FCRL2: variants seen among roughly 807,000 people sequenced by gnomAD.
The protein encoded by FCRL2 is Fc receptor like 2.
In FCRL2, 48 loss-of-function variants were observed where a neutral mutation model predicts 59.8. The ratio of observed to expected loss-of-function variants is 0.80; its 90% CI spans 0.64 to 1.02. The LOEUF is 1.02. Ranked by LOEUF, FCRL2 falls within the 50% of genes least tolerant of loss-of-function variation. The pLI, the probability that FCRL2 is intolerant of heterozygous loss-of-function variation, is 0.00. For synonymous variants in FCRL2, 251 were observed against 229.5 expected (o/e 1.09, Z -0.85); for missense variants, 658 against 597.3 (o/e 1.10, Z -1.06).
chr1:157,764,025 A>G (rs11264817), intron 7 of FCRL2, among the ~76,000 whole-genome samples: 78,560 of 138,614 alleles, frequency 0.57, 24,398 homozygotes, highest in African/African-American at 0.85. Flanking sequence ...GCGAGACTTC[A>G]TCTCAAAAAA....
chr1:157,767,131 C>A (rs1649556039), intron 6 of FCRL2, 100 bp downstream of exon 6: 1 of 1,444,744 alleles, frequency 6.9e-7, no homozygotes. Flanking sequence ...CCACTGGACA[C>A]TGAGATCACC....
In FCRL2 at chr1:157,768,419, A is replaced by C; in HGVS notation, c.878T>G (p.Val293Gly). 1 of 1,613,188 alleles carries C rather than the reference A, an allele frequency of 6.2e-7. No homozygotes were observed. The highest frequency in any genetic ancestry group is 1.1e-5 in the South Asian group (1 of 91,014). ...PIQSKVVNIP[V>G]RIPVSRPVLT... Reference sequence around the variant, plus strand: ...TGAATGAGAGTGTCACTCACTTCTCACAGGGATATTCACCACCTTGCTCTG... The same window carrying C: ...TGAATGAGAGTGTCACTCACTTCTCCCAGGGATATTCACCACCTTGCTCTG... The change falls in exon 5 of 12, where the codon GTG (valine) becomes GGG (glycine). Residue 293 changes from valine to glycine, a missense_variant. Val to Gly is a moderately radical substitution (Grantham distance 109). Transcript: ENST00000361516.
intron 2 of FCRL2, chr1:157,774,292 G>T (rs1650245046): frequency 5.4e-6 from 2 of 370,998 alleles, no homozygotes; most frequent in South Asian, 2.1e-5. Context: ...TTCTCAACAG[G>T]CCAGAAACTT....
intron 7 of FCRL2, among the ~76,000 whole-genome samples, chr1:157,750,072 G>C (rs1648067695): frequency 6.6e-6 from 1 of 152,098 alleles, no homozygotes; most frequent in Non-Finnish European, 1.5e-5. Context: ...ATTTTATGCA[G>C]CCATTCTTAA....
chr1:157,753,913 TTAAA>T (rs1294373924), intron 7 of FCRL2, among the ~76,000 whole-genome samples: 1 of 152,124 alleles, frequency 6.6e-6, no homozygotes, highest in Non-Finnish European at 1.5e-5. Flanking sequence ...ACCAAATATA[TTAAA>T]TAATTTCTTC....
At chr1:157,749,413 A>G (rs553285523) in intron 8 of FCRL2, among the ~76,000 whole-genome samples, 3 of 152,320 alleles carry the variant, frequency 2.0e-5, no homozygotes, top group East Asian at 3.9e-4. Flanking sequence ...GAATTTATAT[A>G]TTAATTTAAA....
rs774888156 is a variant in FCRL2 at position 157,767,239 on chromosome 1, G to A, written c.1154C>T (p.Ser385Phe). 1.9e-6 allele frequency: 3 copies of A among 1,612,044 alleles called. No individual in the cohort carries two copies. Among genetic ancestry groups the A allele is most frequent in the Non-Finnish European group, 2.5e-6 (3 of 1,179,028 alleles). ...GAQCSEAVPV[S>F]ISGPDGYRRD... ...AGGTAACACCCACCCACCTGAGATGGAGACTGGCACTGCCTCACTGCACTG... is the reference window on the plus strand; with the variant it reads ...AGGTAACACCCACCCACCTGAGATGAAGACTGGCACTGCCTCACTGCACTG... Residue 385 changes from serine (S) to phenylalanine (F), a missense_variant, in exon 6 of 12, where the codon TCC becomes TTC. Transcript: ENST00000361516.
intron 2 of FCRL2, among the ~76,000 whole-genome samples, chr1:157,771,392 C>A (rs866926750): frequency 2.5e-4 from 38 of 152,318 alleles, no homozygotes; most frequent in Middle Eastern, 3.4e-3. Context: ...CCCATCCCCT[C>A]TTCTTACCTC....
chr1:157,749,729 TA>T lies in FCRL2; in HGVS notation c.1280-53del, dbSNP rs773919103. On this transcript the variant is annotated intron_variant, in intron 7 of 11. Coordinates refer to ENST00000361516, the MANE Select transcript of FCRL2 (RefSeq NM_030764.4). ...TTTCAGAGAAGGAAGCTTTATCTCT[TA>T]AAATTTTGACATGATTTAACTACGT... 1.1e-5 allele frequency: 16 copies of T among 1,484,106 alleles called. No individual in the cohort carries two copies. In the South Asian group the frequency reaches 1.5e-4, roughly 14 times the overall value. The allele number at this position is 1,484,106 out of a possible 1,614,324, so 91.9% of individuals were successfully genotyped here. A position where few individuals can be genotyped will look rare whatever the true frequency, so the allele number is the denominator to read the frequency against.
intron 2 of FCRL2, among the ~76,000 whole-genome samples, chr1:157,771,249 A>T (rs1649999271): frequency 6.6e-6 from 1 of 152,118 alleles, no homozygotes; most frequent in African/African-American, 2.4e-5. Context: ...GTTCTGATAA[A>T]CACCTCATCT....
rs147477160 is a variant in FCRL2 at position 157,768,536 on chromosome 1, C to T, written c.761G>A (p.Arg254His). Residue 254 changes from arginine (R) to histidine (H), a missense_variant, in exon 5 of 12, where the codon CGT becomes CAT. By Grantham distance (29) the Arg-to-His change is conservative. Transcript: ENST00000361516. ...TGTSMGKKTQ[R>H]SLSAELEIPA... is the part of the protein sequence containing the mutation. ...GATCTCCAGCTCTGCTGACAGGGAA[C>T]GCTGGGTTTTCTTTCCCATACTGGT... is the stretch of plus-strand genomic sequence containing the variant. 6.8e-4 allele frequency: 1,094 copies of T among 1,614,188 alleles called. 5 individuals carry two copies. The highest frequency in any genetic ancestry group is 2.0e-3 in the Middle Eastern group (12 of 6,062).
chr1:157,749,999 C>A (rs917147654), intron 7 of FCRL2, among the ~76,000 whole-genome samples: 1 of 152,132 alleles, frequency 6.6e-6, no homozygotes, highest in African/African-American at 2.4e-5. Context: ...TTTTAACTAT[C>A]CTAATGTATA....
At chr1:157,747,658 G>A (rs958836784) in intron 10 of FCRL2, among the ~76,000 whole-genome samples, 1 of 152,194 alleles carries the variant, frequency 6.6e-6, no homozygotes, top group Non-Finnish European at 1.5e-5. Flanking sequence ...GCAACCAGGA[G>A]TACAGAACAA....
chr1:157,761,383 A>T (rs1158065871), intron 7 of FCRL2, among the ~76,000 whole-genome samples: 1 of 152,204 alleles, frequency 6.6e-6, no homozygotes, highest in Non-Finnish European at 1.5e-5. Flanking sequence ...TGGGAGGCTG[A>T]GTCAGGCAGA....
chr1:157,749,710 A>G, intron 7 of FCRL2, 33 bp from the exon 8 acceptor site: 1 of 1,591,378 alleles, frequency 6.3e-7, no homozygotes, highest in Non-Finnish European at 8.6e-7. Context: ...TTCATTTCAG[A>G]GAAGGAAGCT....
chr1:157,776,252 A>T lies in FCRL2; in HGVS notation c.32-457T>A, dbSNP rs544765210. On this transcript the variant is annotated intron_variant, in intron 1 of 11. Coordinates refer to ENST00000361516, the MANE Select transcript of FCRL2 (RefSeq NM_030764.4). ...CGTTAGAGCCCTTTGTATTCCAATA[A>T]CAAATATTTATTTAGTGCCTACACA... Among the ~76,000 whole-genome samples, 13 of 152,260 alleles carry T rather than the reference A, an allele frequency of 8.5e-5. 1 individual carries two copies. In the South Asian group the frequency reaches 2.7e-3, roughly 32 times the overall value.
chr1:157,774,418 T>A (rs1378645314), intron 2 of FCRL2: 1 of 456,454 alleles, frequency 2.2e-6, no homozygotes, highest in Non-Finnish European at 4.4e-6. Context: ...GTCCTGCTCT[T>A]TCCAGTACAT....
intron 4 of FCRL2, chr1:157,769,605 T>C (rs1649820637): frequency 6.7e-6 from 2 of 297,514 alleles, no homozygotes; most frequent in Non-Finnish European, 1.3e-5. Flanking sequence ...TTTTTTGTAT[T>C]TTTAGTAGAG....
intron 2 of FCRL2, among the ~76,000 whole-genome samples, chr1:157,773,969 C>T (rs113466407): frequency 6.6e-5 from 10 of 152,200 alleles, no homozygotes; most frequent in African/African-American, 2.2e-4. Context: ...AGGTTGTGAA[C>T]GAGAAGTTCT....
Sources: allele counts gnomAD v4.1 joint callset (sites outside exome capture counted in the v4.1 genomes callset), GRCh38; gene constraint gnomAD v4.1.1; transcripts MANE v1.5; gene names NCBI Gene and HGNC (gene_info 2026-07-23, HGNC 2026-07-21).